The following TMC8 variants were observed in gnomAD, a reference collection of about 807,000 sequenced individuals.
TMC8 encodes transmembrane channel-like protein 8.
In TMC8, 71 loss-of-function variants were observed where a neutral mutation model predicts 76.0. The observed-to-expected ratio is 0.93, with a 90% confidence interval of 0.77 to 1.14. The LOEUF (loss-of-function observed/expected upper bound fraction) is 1.14. Ranked by LOEUF, TMC8 falls within the 50% of genes most tolerant of loss-of-function variation. TMC8 has a pLI of 0.00. For synonymous variants in TMC8, 433 were observed against 433.8 expected (o/e 1.00, Z 0.02); for missense variants, 924 against 947.9 (o/e 0.97, Z 0.33).
rs368534068 is a variant in TMC8 at position 78,137,732 on chromosome 17, G to A, written c.1267G>A (p.Val423Met). The A allele has an allele frequency of 8.1e-6, 13 of 1,613,556 alleles. No homozygotes were observed. The highest frequency in any genetic ancestry group is 1.1e-5 in the South Asian group (1 of 91,082). The stretch of plus-strand genomic sequence containing the variant: ...TGCACCCCAGTGCTGGGAGAACTCC[G>A]TGGGGGAGGAGCTGTACAAGCTGAG... ...VCDYQCWENS[V>M]GEELYKLSIF... The change falls in exon 11 of 16, where the codon GTG becomes ATG. Residue 423 changes from valine (V) to methionine (M), a missense_variant. Transcript: ENST00000318430.
Position 78,132,364 on chromosome 17 carries a change from T to A in TMC8, c.304T>A (p.Phe102Ile). The change falls in exon 4 of 16, where the codon TTC becomes ATC. Residue 102 changes from phenylalanine (F) to isoleucine (I), a missense_variant. Physicochemically the swap from Phe to Ile is conservative, Grantham distance 21. Transcript: ENST00000318430. ...EGALYEIGGL[F>I]GTGIRSYFTF... ...ACCCTGCTCTCCCACTGCAGGCCTC[T>A]TCGGCACAGGAATTCGGTCCTACTT... The A allele has an allele frequency of 6.2e-7, 1 of 1,612,876 alleles. No individual in the cohort carries two copies. Among genetic ancestry groups the A allele is most frequent in the East Asian group, 2.2e-5 (1 of 44,860 alleles).
At chr17:78,132,624 C>G in intron 4 of TMC8, 116 bp downstream of exon 4, 4 of 1,507,784 alleles carry the variant, frequency 2.7e-6, no homozygotes, top group Admixed American at 3.8e-5. Flanking sequence ...GTGCAGGCCC[C>G]GGGGCTCTCT....
At chr17:78,139,034 T>C (rs1429359393) in intron 14 of TMC8, 128 bp from the exon 15 acceptor site, 34 of 1,580,966 alleles carry the variant, frequency 2.2e-5, no homozygotes, top group Non-Finnish European at 2.7e-5. Flanking sequence ...CATCCTCAGA[T>C]ACAGCAGTGT....
At chr17:78,139,741 A>C (rs1235841458) in intron 15 of TMC8, among the ~76,000 whole-genome samples, 1 of 150,676 alleles carries the variant, frequency 6.6e-6, no homozygotes, top group South Asian at 2.1e-4. Context: ...AAAAAAAAAA[A>C]AAAAAAAAAA....
rs775482795 is a variant in TMC8 at position 78,139,193 on chromosome 17, C to G, written c.1855C>G (p.Gln619Glu). The part of the protein sequence containing the change: ...LVLTVCVSQT[Q>E]ANARAIHRLR... ...CCTGACGGTGTGCGTCTCCCAGACC[C>G]AGGCCAATGCCAGGGCCATCCACAG... Residue 619 changes from glutamine (Q) to glutamate (E), a missense_variant, in exon 15 of 16, where the codon CAG becomes GAG. Coordinates refer to ENST00000318430, the MANE Select transcript of TMC8 (RefSeq NM_152468.5). 1.9e-6 allele frequency: 3 copies of G among 1,613,726 alleles called. No individual in the cohort carries two copies. The highest frequency in any genetic ancestry group is 2.5e-6 in the Non-Finnish European group (3 of 1,180,038).
At chr17:78,139,451 C>T (rs955241943) in intron 15 of TMC8, among the ~76,000 whole-genome samples, 2 of 152,150 alleles carry the variant, frequency 1.3e-5, no homozygotes, top group African/African-American at 4.8e-5. Flanking sequence ...AGTACATGAC[C>T]TTAGGGGCTG....
Position 78,132,510 on chromosome 17 carries a change from T to C in TMC8, c.448+2T>C. 6.2e-7 allele frequency: 1 copy of C among 1,608,614 alleles called. No individual in the cohort carries two copies. The highest frequency in any genetic ancestry group is 8.5e-7 in the Non-Finnish European group (1 of 1,178,452). ...ACCCAGGCCCCACCCTGAACTTGAG[T>C]GAGTGTGAGGCCCACCAGGGGAAGT... is the stretch of plus-strand genomic sequence containing the variant. On this transcript the variant is annotated splice_donor_variant, in intron 4 of 15. Transcript: ENST00000318430. LOFTEE classifies it high-confidence loss of function.
chr17:78,134,767 T>G (rs2075176289), intron 8 of TMC8, 103 bp from the exon 9 acceptor site: 4 of 1,585,658 alleles, frequency 2.5e-6, no homozygotes, highest in Non-Finnish European at 3.4e-6. Flanking sequence ...GGCGACCCTA[T>G]TCTGGGCCTG....
At chr17:78,134,832 C>T in intron 8 of TMC8, 38 bp from the exon 9 acceptor site, 1 of 1,611,852 alleles carries the variant, frequency 6.2e-7, no homozygotes, top group South Asian at 1.1e-5. Flanking sequence ...CAGGGGCCCC[C>T]CAGCACGCGG....
chr17:78,137,422 T>C, intron 10 of TMC8, 64 bp downstream of exon 10: 17 of 1,611,302 alleles, frequency 1.1e-5, no homozygotes, highest in Non-Finnish European at 1.4e-5. Context: ...CACCTCAAAC[T>C]GTGCAGAGCC....
chr17:78,132,292 T>C, intron 3 of TMC8, 67 bp from the exon 4 acceptor site: 9 of 1,586,992 alleles, frequency 5.7e-6, no homozygotes, highest in Non-Finnish European at 7.7e-6. Flanking sequence ...GGGCCCGCCC[T>C]TGGACTCTCA....
Position 78,142,303 on chromosome 17 carries a change from G to A in TMC8, c.*1191G>A, listed in dbSNP as rs1477026072. The A allele has an allele frequency of 6.6e-6, 1 of 152,278 alleles. No homozygotes were observed. The highest frequency in any genetic ancestry group is 1.9e-4 in the East Asian group (1 of 5,206). The allele number at this position is 152,278 out of a possible 1,614,324, so 9.4% of individuals were successfully genotyped here. On this transcript the variant is annotated 3_prime_UTR_variant, in exon 16 of 16. Transcript: ENST00000318430. ...GCTCCCAGGTGACTCACCGGCAGCT[G>A]GGGATGAGAACTGTCAGGAGGGAAG...
Position 78,141,197 on chromosome 17 carries a change from C to A in TMC8, c.*85C>A. 1 of 849,894 alleles carries A rather than the reference C, an allele frequency of 1.2e-6. No homozygotes were observed. Among genetic ancestry groups the A allele is most frequent in the Non-Finnish European group, 1.7e-6 (1 of 580,192 alleles). The allele number at this position is 849,894 out of a possible 1,614,324, so 52.6% of individuals were successfully genotyped here. A position where few individuals can be genotyped will look rare whatever the true frequency, so the allele number is the denominator to read the frequency against. On this transcript the variant is annotated 3_prime_UTR_variant, in exon 16 of 16. Coordinates refer to ENST00000318430, the MANE Select transcript of TMC8 (RefSeq NM_152468.5). ...TTCCAGACCCCTGGCGACCACCGCC[C>A]CTCTCAGTGGCTCCAGGGCCTCCCT...
chr17:78,137,863 G>A, intron 11 of TMC8, 49 bp downstream of exon 11: 1 of 1,604,138 alleles, frequency 6.2e-7, no homozygotes, highest in Non-Finnish European at 8.5e-7. Context: ...CCGCGAGCAT[G>A]TTGGGGGTGG....
Position 78,131,690 on chromosome 17 carries a change from G to A in TMC8, c.102G>A (p.Thr34=), listed in dbSNP as rs775802077. The A allele has an allele frequency of 2.0e-5, 32 of 1,577,590 alleles. No individual in the cohort carries two copies. The Admixed American group carries it at 2.6e-4, about 13-fold the overall frequency. ...AEMERLRGSG[T]PVRGLPYAMM... is the part of the protein sequence containing the mutation. ...TGGAGCGGCTGCGCGGCTCTGGGAC[G>A]CCCGTGCGCGGGCTGCCCTATGCCA... Residue 34 remains threonine (T), a synonymous_variant, in exon 2 of 16, where the codon ACG becomes ACA. Transcript: ENST00000318430.
chr17:78,133,962 G>A lies in TMC8; in HGVS notation c.778G>A (p.Ala260Thr), dbSNP rs773021050. The A allele has an allele frequency of 2.8e-5, 45 of 1,613,668 alleles. No homozygotes were observed. The highest frequency in any genetic ancestry group is 3.6e-5 in the Non-Finnish European group (43 of 1,180,060). The change falls in exon 7 of 16, where the codon GCC (alanine) becomes ACC (threonine). Residue 260 changes from alanine to threonine, a missense_variant. Physicochemically the swap from Ala to Thr is moderately conservative, Grantham distance 58 (BLOSUM62 0). Coordinates refer to ENST00000318430, the MANE Select transcript of TMC8 (RefSeq NM_152468.5). ...WDFCIRVQEA[A>T]TIKKHEISNE... Reference sequence around the variant, plus strand: ...CTTCTGCATCCGGGTGCAGGAAGCAGCCACCATCAAGAAGCATGAGATCAG... The same window carrying A: ...CTTCTGCATCCGGGTGCAGGAAGCAACCACCATCAAGAAGCATGAGATCAG...
In TMC8 at chr17:78,131,383, A is replaced by C; in HGVS notation, c.-206A>C. On this transcript the variant is annotated 5_prime_UTR_variant, in exon 2 of 16. Transcript: ENST00000318430. ...ATTCTCTCTCATTTCTGAGCCCCGG[A>C]GGTGGCAGAGCGGCAGACCCGGGCA... 1 of 663,966 alleles carries C rather than the reference A, an allele frequency of 1.5e-6. No individual in the cohort carries two copies. The highest frequency in any genetic ancestry group is 2.6e-6 in the Non-Finnish European group (1 of 390,608). The allele number at this position is 663,966 out of a possible 1,614,324, so 41.1% of individuals were successfully genotyped here.
rs147347722 is a variant in TMC8 at position 78,133,438 on chromosome 17, G to A, written c.564G>A (p.Ala188=). The A allele has an allele frequency of 2.5e-5, 41 of 1,613,684 alleles. No homozygotes were observed. The highest frequency in any genetic ancestry group is 1.6e-4 in the Middle Eastern group (1 of 6,084). The part of the protein sequence containing the change: ...AFTNTYLFYG[A]YRVGPESSSV... ...CCAACACCTATCTCTTCTACGGTGC[G>A]TACCGAGTGGGGCCGGAGAGCAGCT... The change falls in exon 6 of 16, where the codon GCG becomes GCA. Residue 188 remains alanine, a synonymous_variant. Coordinates refer to ENST00000318430, the MANE Select transcript of TMC8 (RefSeq NM_152468.5).
intron 4 of TMC8, 133 bp downstream of exon 4, chr17:78,132,641 G>T: frequency 6.7e-7 from 1 of 1,496,680 alleles, no homozygotes. Flanking sequence ...CTCTCTCCCT[G>T]ACCTCGCCTT....
Sources: allele counts gnomAD v4.1 joint callset (sites outside exome capture counted in the v4.1 genomes callset), GRCh38; gene constraint gnomAD v4.1.1; transcripts MANE v1.5; gene names NCBI Gene and HGNC (gene_info 2026-07-23, HGNC 2026-07-21).